LRP1B: variants seen among roughly 807,000 people sequenced by gnomAD.
LRP1B encodes the protein LDL receptor related protein 1B.
Under a neutral mutation model 556.6 loss-of-function variants are expected in LRP1B, and 217 were observed. The ratio of observed to expected loss-of-function variants is 0.39; its 90% CI spans 0.35 to 0.44. LRP1B has a LOEUF of 0.44. Among genes scored for constraint, LRP1B ranks in the 20% least tolerant of loss-of-function variants. The pLI is 1.00. For synonymous variants in LRP1B, 2,047 were observed against 1,865.8 expected (o/e 1.10, Z -2.50); for missense variants, 5,053 against 5,620.8 (o/e 0.90, Z 3.23).
Position 140,444,313 on chromosome 2 carries a change from A to G in LRP1B, c.10294+17T>C. On this transcript the variant is annotated intron_variant, in intron 65 of 90. Coordinates refer to ENST00000389484, the MANE Select transcript of LRP1B (RefSeq NM_018557.3). ...AGTCAAAGTTAAGACAAGACAGAGT[A>G]TTTTGAGGTGACTTACGACAGTCTC... The G allele has an allele frequency of 6.2e-7, 1 of 1,613,676 alleles. No individual in the cohort carries two copies. Among genetic ancestry groups the G allele is most frequent in the Non-Finnish European group, 8.5e-7 (1 of 1,179,726 alleles).
chr2:141,734,286 T>C (rs550135405), intron 2 of LRP1B, among the ~76,000 whole-genome samples: 1 of 152,182 alleles, frequency 6.6e-6, no homozygotes, highest in African/African-American at 2.4e-5. Context: ...AAATAAACAC[T>C]AACAAGAATA....
intron 41 of LRP1B, among the ~76,000 whole-genome samples, chr2:140,625,195 A>C (rs1267756251): frequency 1.3e-5 from 2 of 152,358 alleles, no homozygotes; most frequent in East Asian, 3.9e-4. Context: ...GTACTCAAAT[A>C]AACAAAGTAA....
intron 11 of LRP1B, among the ~76,000 whole-genome samples, chr2:141,044,202 A>T (rs1179784267): frequency 1.3e-5 from 2 of 151,628 alleles, no homozygotes; most frequent in African/African-American, 2.4e-5. Context: ...GGTGCTGGGA[A>T]AACTGGCTAG....
chr2:140,779,176 C>G (rs1573706737), intron 32 of LRP1B, among the ~76,000 whole-genome samples: 1 of 152,048 alleles, frequency 6.6e-6, no homozygotes, highest in East Asian at 1.9e-4. Flanking sequence ...TGAATATATG[C>G]ATGTAACATT....
intron 11 of LRP1B, among the ~76,000 whole-genome samples, chr2:141,031,972 T>C (rs978106483): frequency 6.6e-6 from 1 of 151,984 alleles, no homozygotes. Context: ...CATTTCTTTG[T>C]TATTTTCTTT....
chr2:140,877,533 A>G (rs1396798967), intron 25 of LRP1B, among the ~76,000 whole-genome samples: 2 of 152,164 alleles, frequency 1.3e-5, no homozygotes, highest in Non-Finnish European at 2.9e-5. Flanking sequence ...CCCCCAAATC[A>G]CTAAGCTAAA....
At chr2:140,517,703 T>A (rs1295911766) in intron 49 of LRP1B, among the ~76,000 whole-genome samples, 2 of 110,016 alleles carry the variant, frequency 1.8e-5, no homozygotes, top group Non-Finnish European at 3.4e-5. Context: ...ACTATATTTA[T>A]CTTTCCTTTT....
At chr2:141,083,687 G>T (rs779861577) in intron 7 of LRP1B, among the ~76,000 whole-genome samples, 4 of 152,122 alleles carry the variant, frequency 2.6e-5, no homozygotes, top group Non-Finnish European at 4.4e-5. Context: ...TGGATTAATG[G>T]GTTATCACAG....
At chr2:141,024,478 A>G (rs1017869608) in intron 11 of LRP1B, among the ~76,000 whole-genome samples, 4 of 152,056 alleles carry the variant, frequency 2.6e-5, no homozygotes, top group African/African-American at 7.2e-5. Context: ...GTCACTCTCA[A>G]TGGGTCAGGG....
intron 41 of LRP1B, among the ~76,000 whole-genome samples, chr2:140,681,529 G>A (rs538226658): frequency 2.6e-5 from 4 of 152,124 alleles, no homozygotes; most frequent in African/African-American, 9.6e-5. Context: ...AAATGATAGC[G>A]CTTTTAATAT....
intron 2 of LRP1B, among the ~76,000 whole-genome samples, chr2:141,545,698 A>AATAATAGTAATAGTAAT (rs1685526319): frequency 6.6e-6 from 1 of 152,128 alleles, no homozygotes; most frequent in Admixed American, 6.6e-5. Flanking sequence ...TAGTAATAAT[A>AATAATAGTAATAGTAAT]AATAAAGTGA....
At chr2:142,016,278 C>G (rs1310943121) in intron 1 of LRP1B, among the ~76,000 whole-genome samples, 2 of 152,042 alleles carry the variant, frequency 1.3e-5, no homozygotes, top group Non-Finnish European at 2.9e-5. Flanking sequence ...GGCAATTCCT[C>G]AAGGATCTAG....
chr2:140,918,095 G>T (rs1283729890), intron 21 of LRP1B, among the ~76,000 whole-genome samples: 1 of 151,890 alleles, frequency 6.6e-6, no homozygotes, highest in East Asian at 1.9e-4. Context: ...TTAAATATAT[G>T]TATGATTTCT....
intron 3 of LRP1B, among the ~76,000 whole-genome samples, chr2:141,347,098 G>T (rs954685761): frequency 3.3e-5 from 5 of 152,018 alleles, no homozygotes; most frequent in Non-Finnish European, 5.9e-5. Context: ...AACACAGTTT[G>T]TCTTTATTAA....
intron 3 of LRP1B, among the ~76,000 whole-genome samples, chr2:141,294,820 A>C (rs1227109936): frequency 6.6e-6 from 1 of 151,600 alleles, no homozygotes; most frequent in African/African-American, 2.4e-5. Context: ...TCAGAAATTC[A>C]ATTTGCAGTC....
intron 43 of LRP1B, among the ~76,000 whole-genome samples, chr2:140,550,456 CTA>C (rs1251746419): frequency 2.6e-5 from 4 of 152,136 alleles, no homozygotes; most frequent in African/African-American, 9.7e-5. Context: ...AGGAAAATGT[CTA>C]CCTTTATCTG....
At chr2:140,923,412 A>C (rs1370919305) in intron 20 of LRP1B, among the ~76,000 whole-genome samples, 3 of 152,108 alleles carry the variant, frequency 2.0e-5, no homozygotes, top group Non-Finnish European at 4.4e-5. Context: ...TGTACATTAG[A>C]AAAGAAGAAG....
intron 7 of LRP1B, among the ~76,000 whole-genome samples, chr2:141,144,847 T>C (rs1701742455): frequency 6.6e-6 from 1 of 152,208 alleles, no homozygotes; most frequent in African/African-American, 2.4e-5. Flanking sequence ...TAATTACATC[T>C]TCATTGTAGG....
chr2:140,707,484 G>T (rs1355077199), intron 37 of LRP1B, among the ~76,000 whole-genome samples: 1 of 152,052 alleles, frequency 6.6e-6, no homozygotes. Context: ...CTTTTAACTT[G>T]ACAAAAGCTG....
Sources: allele counts gnomAD v4.1 joint callset (sites outside exome capture counted in the v4.1 genomes callset), GRCh38; gene constraint gnomAD v4.1.1; transcripts MANE v1.5; gene names NCBI Gene and HGNC (gene_info 2026-07-23, HGNC 2026-07-21).